Variants in NPAS3 observed in about 807,000 individuals in gnomAD.
The protein encoded by NPAS3 is neuronal PAS domain protein 3.
Under a neutral mutation model 73.1 loss-of-function variants are expected in NPAS3, and 14 were observed. The observed-to-expected ratio is 0.19, with a 90% CI of 0.13 to 0.30. NPAS3 has a LOEUF of 0.30. Ranked by LOEUF, NPAS3 falls within the 10% of genes least tolerant of loss-of-function variation. The pLI is 1.00. For missense variants in NPAS3, 1,096 were observed against 1,250.0 expected (o/e 0.88, Z 1.86); for synonymous variants, 620 against 541.5 (o/e 1.14, Z -2.01).
intron 3 of NPAS3, among the ~76,000 whole-genome samples, chr14:33,350,083 G>A (rs116581524): frequency 1.6e-3 from 247 of 152,248 alleles, no homozygotes; most frequent in African/African-American, 5.6e-3. Flanking sequence ...TGCATTTCTC[G>A]TACGCTTGGC....
chr14:33,033,078 T>A (rs1408335284), intron 1 of NPAS3, among the ~76,000 whole-genome samples: 1 of 152,198 alleles, frequency 6.6e-6, no homozygotes, highest in East Asian at 1.9e-4. Context: ...TGGCCCAATC[T>A]CTTTATGTTG....
chr14:33,477,493 A>G (rs2051096194), intron 4 of NPAS3, among the ~76,000 whole-genome samples: 1 of 152,078 alleles, frequency 6.6e-6, no homozygotes, highest in Admixed American at 6.5e-5. Context: ...AGTCACATAC[A>G]ACACGCTCAT....
At chr14:33,503,490 C>G (rs565404677) in intron 4 of NPAS3, among the ~76,000 whole-genome samples, 1 of 151,872 alleles carries the variant, frequency 6.6e-6, no homozygotes, top group Non-Finnish European at 1.5e-5. Context: ...CCGAGTGATA[C>G]CTTTGGATTC....
At chr14:33,758,307 C>A (rs2062176902) in intron 7 of NPAS3, among the ~76,000 whole-genome samples, 1 of 152,198 alleles carries the variant, frequency 6.6e-6, no homozygotes, top group African/African-American at 2.4e-5. Context: ...CCAGTCAAAT[C>A]CTACTCACCC....
intron 2 of NPAS3, among the ~76,000 whole-genome samples, chr14:33,203,425 A>T (rs914408171): frequency 1.3e-5 from 2 of 151,980 alleles, no homozygotes; most frequent in African/African-American, 4.8e-5. Context: ...GTATACATTA[A>T]CTCGTCATTT....
intron 2 of NPAS3, among the ~76,000 whole-genome samples, chr14:33,199,027 G>A (rs996051032): frequency 3.3e-5 from 5 of 152,144 alleles, no homozygotes; most frequent in African/African-American, 9.7e-5. Flanking sequence ...CCTGCTGGCC[G>A]CTCCAAGTGT....
rs181939420 is a variant in NPAS3 at position 33,500,746 on chromosome 14, G to A, written c.469-59375G>A. Among the ~76,000 whole-genome samples, 11 of 151,992 alleles carry A rather than the reference G, an allele frequency of 7.2e-5. No individual in the cohort carries two copies. In the East Asian group the frequency reaches 1.6e-3, roughly 22 times the overall value. On this transcript the variant is annotated intron_variant, in intron 4 of 11. Transcript: ENST00000356141. ...TCTGAGGCAAATCCCTGTCAGGCAG[G>A]GTAACCATAAGCAGAATTTGTTGTT... is the stretch of plus-strand genomic sequence containing the variant.
At chr14:33,729,784 C>G (rs1047473928) in intron 6 of NPAS3, among the ~76,000 whole-genome samples, 1 of 152,082 alleles carries the variant, frequency 6.6e-6, no homozygotes, top group Non-Finnish European at 1.5e-5. Context: ...AGCAGGTCAC[C>G]AAGTTTAGCC....
chr14:33,578,463 G>A (rs1195061736), intron 5 of NPAS3: 2 of 338,666 alleles, frequency 5.9e-6, no homozygotes, highest in African/African-American at 2.2e-5. Context: ...CAAAGTGCTG[G>A]GATTACAGGC....
At chr14:33,675,044 A>G (rs1489196604) in intron 5 of NPAS3, among the ~76,000 whole-genome samples, 1 of 150,096 alleles carries the variant, frequency 6.7e-6, no homozygotes, top group African/African-American at 2.4e-5. Context: ...GAAGTGAGGT[A>G]GGCAGGGGTT....
chr14:33,703,195 A>G (rs144183208), intron 6 of NPAS3, among the ~76,000 whole-genome samples: 253 of 152,296 alleles, frequency 1.7e-3, no homozygotes, highest in African/African-American at 5.7e-3. Context: ...TTATGATATT[A>G]AATTACCCTT....
At chr14:33,693,201 A>G (rs1257874043) in intron 6 of NPAS3, among the ~76,000 whole-genome samples, 2 of 152,184 alleles carry the variant, frequency 1.3e-5, no homozygotes, top group South Asian at 2.1e-4. Context: ...GTTTTGCTCA[A>G]TGATTTATGC....
At chr14:33,774,857 A>T (rs1259358818) in intron 8 of NPAS3, among the ~76,000 whole-genome samples, 2 of 152,192 alleles carry the variant, frequency 1.3e-5, no homozygotes, top group Admixed American at 1.3e-4. Flanking sequence ...GTATTGCCTG[A>T]TGCCTCATCG....
At chr14:32,957,498 A>G (rs2036724188) in intron 1 of NPAS3, among the ~76,000 whole-genome samples, 1 of 151,196 alleles carries the variant, frequency 6.6e-6, no homozygotes, top group Non-Finnish European at 1.5e-5. Flanking sequence ...CAGCCTCCCG[A>G]GTAGCTGGGT....
intron 4 of NPAS3, among the ~76,000 whole-genome samples, chr14:33,443,888 G>T (rs2049364338): frequency 6.6e-6 from 1 of 152,172 alleles, no homozygotes; most frequent in Admixed American, 6.5e-5. Flanking sequence ...GGGTGACTGA[G>T]ACCTGCTTCT....
chr14:32,939,747 C>T (rs1181847890), intron 1 of NPAS3, among the ~76,000 whole-genome samples: 1 of 151,990 alleles, frequency 6.6e-6, no homozygotes, highest in Non-Finnish European at 1.5e-5. Flanking sequence ...ATCCCCGGGG[C>T]CGCCGCAGGT....
chr14:33,579,997 T>A (rs886225943), intron 5 of NPAS3, among the ~76,000 whole-genome samples: 1 of 152,246 alleles, frequency 6.6e-6, no homozygotes, highest in African/African-American at 2.4e-5. Flanking sequence ...TTTACATTTT[T>A]GTGTTTTATA....
intron 4 of NPAS3, among the ~76,000 whole-genome samples, chr14:33,420,053 G>T (rs1435606140): frequency 6.6e-6 from 1 of 151,970 alleles, no homozygotes; most frequent in Admixed American, 6.6e-5. Context: ...CAACATATTT[G>T]TTTTCTTACA....
intron 4 of NPAS3, among the ~76,000 whole-genome samples, chr14:33,503,579 C>T (rs1269403353): frequency 6.8e-6 from 1 of 146,910 alleles, no homozygotes; most frequent in Non-Finnish European, 1.5e-5. Context: ...TTGCTTCTTT[C>T]AAAAAAAAAA....
Sources: gnomAD v4.1 joint callset for allele counts (sites outside exome capture counted in the v4.1 genomes callset) on GRCh38, gnomAD v4.1.1 for gene constraint, MANE v1.5 for transcripts, NCBI Gene and HGNC (gene_info 2026-07-23, HGNC 2026-07-21) for gene names.